Variants in SRGN observed in about 807,000 individuals in gnomAD.
The protein encoded by SRGN is hematopoetic proteoglycan core peptide.
A neutral mutation model predicts 9.5 loss-of-function variants in SRGN; 2 were observed. The ratio of observed to expected loss-of-function variants is 0.21; its 90% CI spans 0.09 to 0.66. The LOEUF (loss-of-function observed/expected upper bound fraction) is 0.66. Among genes scored for constraint, SRGN ranks in the 30% least tolerant of loss-of-function variants. The pLI, the probability that SRGN is intolerant of heterozygous loss-of-function variation, is 0.83. For missense variants in SRGN, 170 were observed against 192.4 expected (o/e 0.88, Z 0.69); for synonymous variants, 59 against 72.3 (o/e 0.82, Z 0.93).
At chr10:69,089,020 G>A (rs1839997330) in intron 1 of SRGN, among the ~76,000 whole-genome samples, 1 of 152,178 alleles carries the variant, frequency 6.6e-6, no homozygotes, top group South Asian at 2.1e-4. Context: ...TAAGACGGAG[G>A]TCATGGCTTG....
In SRGN at chr10:69,104,295, A is replaced by G; in HGVS notation, c.*175A>G. On this transcript the variant is annotated 3_prime_UTR_variant, in exon 3 of 3. Coordinates refer to ENST00000242465, the MANE Select transcript of SRGN (RefSeq NM_002727.4). ...TGAATTCTTAAAGGATTATGCTTTA[A>G]TGCTGTTATCTATTTTATTGTTCTT... The G allele has an allele frequency of 7.1e-6, 6 of 849,100 alleles. No individual in the cohort carries two copies. In the South Asian group the frequency reaches 1.3e-4, roughly 18 times the overall value. The allele number at this position is 849,100 out of a possible 1,614,324, so 52.6% of individuals were successfully genotyped here. A position where few individuals can be genotyped will look rare whatever the true frequency, so the allele number is the denominator to read the frequency against.
chr10:69,097,903 T>C (rs1840211659), intron 2 of SRGN, among the ~76,000 whole-genome samples: 2 of 152,172 alleles, frequency 1.3e-5, no homozygotes, highest in Non-Finnish European at 2.9e-5. Flanking sequence ...TCACAACCTC[T>C]TGGCACAGAT....
At chr10:69,102,223 C>T (rs2132161561) in intron 2 of SRGN, among the ~76,000 whole-genome samples, 1 of 152,246 alleles carries the variant, frequency 6.6e-6, no homozygotes, top group South Asian at 2.1e-4. Context: ...TATCTACATG[C>T]TTTCTCTCGA....
chr10:69,094,592 T>G (rs1205563727), intron 1 of SRGN, among the ~76,000 whole-genome samples: 2 of 152,112 alleles, frequency 1.3e-5, no homozygotes, highest in Admixed American at 6.5e-5. Context: ...ATTTTTAATT[T>G]TGTAAATAAA....
chr10:69,097,113 T>A lies in SRGN; in HGVS notation c.109T>A (p.Trp37Arg). 1 of 1,614,122 alleles carries A rather than the reference T, an allele frequency of 6.2e-7. No homozygotes were observed. The highest frequency in any genetic ancestry group is 8.5e-7 in the Non-Finnish European group (1 of 1,179,984). Residue 37 changes from tryptophan (W) to arginine (R), a missense_variant, in exon 2 of 3, where the codon TGG becomes AGG. By Grantham distance (101) the Trp-to-Arg change is moderately radical (BLOSUM62 -3). Coordinates refer to ENST00000242465, the MANE Select transcript of SRGN (RefSeq NM_002727.4). ...TCCTACGCGGAGAGCCAGGTACCAA[T>A]GGGTGCGCTGCAATCCAGACAGTAA... ...GYPTRRARYQ[W>R]VRCNPDSNSA...
chr10:69,097,870 CTAATTT>C (rs1448522864), intron 2 of SRGN, among the ~76,000 whole-genome samples: 3 of 152,156 alleles, frequency 2.0e-5, no homozygotes, highest in African/African-American at 7.2e-5. Context: ...GGCCTTTTCT[CTAATTT>C]TAAAGTGTCT....
intron 1 of SRGN, among the ~76,000 whole-genome samples, chr10:69,089,133 CA>C (rs1433564395): frequency 6.6e-6 from 1 of 152,126 alleles, no homozygotes; most frequent in Non-Finnish European, 1.5e-5. Context: ...TTTGTTTCGT[CA>C]AAGCGACTTT....
At chr10:69,103,111 T>C (rs1840324397) in intron 2 of SRGN, among the ~76,000 whole-genome samples, 1 of 152,054 alleles carries the variant, frequency 6.6e-6, no homozygotes, top group African/African-American at 2.4e-5. Flanking sequence ...GGCTAATTTT[T>C]GTATTTTAAG....
At chr10:69,091,879 C>CA (rs1177012248) in intron 1 of SRGN, among the ~76,000 whole-genome samples, 1,042 of 31,768 alleles carry the variant, frequency 0.033, 227 homozygotes, top group African/African-American at 0.14. Flanking sequence ...GACTCTGTCT[C>CA]AAAAAAAAAA....
intron 2 of SRGN, among the ~76,000 whole-genome samples, chr10:69,101,255 G>A (rs888336467): frequency 1.3e-5 from 2 of 152,122 alleles, no homozygotes; most frequent in Non-Finnish European, 2.9e-5. Flanking sequence ...ATGAGCCACT[G>A]TGCCTGGCCG....
chr10:69,099,549 C>T (rs1840248658), intron 2 of SRGN, among the ~76,000 whole-genome samples: 1 of 152,014 alleles, frequency 6.6e-6, no homozygotes, highest in African/African-American at 2.4e-5. Flanking sequence ...AAGCAGTCCT[C>T]CCACCTCAGC....
chr10:69,090,177 G>A (rs11815086), intron 1 of SRGN, among the ~76,000 whole-genome samples: 27,959 of 152,134 alleles, frequency 0.18, 3,278 homozygotes, highest in Non-Finnish European at 0.25. Flanking sequence ...GAGTGACTGC[G>A]GCACAAGGCT....
At chr10:69,092,343 G>T (rs182934454) in intron 1 of SRGN, among the ~76,000 whole-genome samples, 299 of 152,294 alleles carry the variant, frequency 2.0e-3, no homozygotes, top group African/African-American at 7.0e-3. Flanking sequence ...TCTGTAACTT[G>T]TTCTTTATTT....
At chr10:69,088,343 AG>A (rs1436542611) in intron 1 of SRGN, 107 bp downstream of exon 1, 1 of 981,898 alleles carries the variant, frequency 1.0e-6, no homozygotes, top group Non-Finnish European at 1.6e-6. Flanking sequence ...ATTGTGAGAA[AG>A]GAGGCAAAGA....
intron 1 of SRGN, among the ~76,000 whole-genome samples, chr10:69,096,558 G>A (rs1031427594): frequency 6.6e-6 from 1 of 152,202 alleles, no homozygotes; most frequent in African/African-American, 2.4e-5. Context: ...ACTTTTTGGA[G>A]TGTTGTAAGA....
intron 2 of SRGN, among the ~76,000 whole-genome samples, chr10:69,101,859 T>C (rs1840298536): frequency 6.6e-6 from 1 of 152,164 alleles, no homozygotes; most frequent in African/African-American, 2.4e-5. Flanking sequence ...CCAGCCTGCC[T>C]GGGCAACATA....
intron 2 of SRGN, among the ~76,000 whole-genome samples, chr10:69,099,390 C>G (rs565402815): frequency 6.6e-6 from 1 of 151,374 alleles, no homozygotes; most frequent in East Asian, 1.9e-4. Flanking sequence ...ACTGCAGCCT[C>G]GAACTCCTCA....
intron 1 of SRGN, 30 bp from the exon 2 acceptor site, chr10:69,097,054 A>C (rs1217294121): frequency 6.2e-7 from 1 of 1,609,600 alleles, no homozygotes; most frequent in Non-Finnish European, 8.5e-7. Context: ...TGTAGTAGAT[A>C]CTTAGTAACA....
At chr10:69,089,282 G>A (rs1840003430) in intron 1 of SRGN, among the ~76,000 whole-genome samples, 1 of 152,168 alleles carries the variant, frequency 6.6e-6, no homozygotes, top group South Asian at 2.1e-4. Context: ...AATGTTTCTG[G>A]AACGTTATTA....
Sources: gnomAD v4.1 joint callset for allele counts (sites outside exome capture counted in the v4.1 genomes callset) on GRCh38, gnomAD v4.1.1 for gene constraint, MANE v1.5 for transcripts, NCBI Gene and HGNC (gene_info 2026-07-23, HGNC 2026-07-21) for gene names.